Variants in HDAC9 observed in about 807,000 individuals in gnomAD.
HDAC9 encodes MEF-2 interacting transcription repressor (MITR) protein.
Under a neutral mutation model 139.4 loss-of-function variants are expected in HDAC9, and 41 were observed. The observed-to-expected ratio is 0.29, with a 90% confidence interval of 0.23 to 0.38. The LOEUF (loss-of-function observed/expected upper bound fraction) is 0.38. Among genes scored for constraint, HDAC9 ranks in the 10% least tolerant of loss-of-function variants. HDAC9 has a pLI of 1.00. For missense variants in HDAC9, 1,147 were observed against 1,297.0 expected, an observed-to-expected ratio of 0.88 and a Z score of 1.78; for synonymous variants, 517 against 476.2, an observed-to-expected ratio of 1.09 and a Z score of -1.12.
At chr7:18,950,732 C>T (rs112822572) in intron 23 of HDAC9, among the ~76,000 whole-genome samples, 18 of 151,616 alleles carry the variant, frequency 1.2e-4, no homozygotes, top group African/African-American at 4.1e-4. Flanking sequence ...TTGAGGAGCA[C>T]GCAATATTTG....
In HDAC9 at chr7:18,400,027, A is replaced by G. The variant is rs1585629677; in HGVS notation, c.-41-96235A>G. Among the ~76,000 whole-genome samples the G allele has an allele frequency of 2.0e-5, 3 of 152,154 alleles. No individual in the cohort carries two copies. The East Asian group carries it at 5.8e-4, about 29-fold the overall frequency. ...ACTGGCCTATTCGCATCAGAGCCCAAAGGAAAAGTCAGAAACCACAGGAAT... is the reference window on the plus strand; with the variant it reads ...ACTGGCCTATTCGCATCAGAGCCCAGAGGAAAAGTCAGAAACCACAGGAAT... On this transcript the variant is annotated intron_variant, in intron 1 of 3. Transcript: ENST00000413509.
rs1042449531 is a variant in HDAC9 at position 18,999,943 on chromosome 7, T to C, written c.*3881T>C. On this transcript the variant is annotated 3_prime_UTR_variant, in exon 26 of 26. Coordinates refer to ENST00000686413, the MANE Select transcript of HDAC9 (RefSeq NM_178425.4). ...GAAACGACTCTGTCAGTGTTTGACA[T>C]TGTCATTTCTAGTGGCATGTATCTT... 2.0e-5 allele frequency: 3 copies of C among 152,198 alleles called. No homozygotes were observed. Among genetic ancestry groups the C allele is most frequent in the Non-Finnish European group, 4.4e-5 (3 of 68,038 alleles). The allele number at this position is 152,198 out of a possible 1,614,324, so 9.4% of individuals were successfully genotyped here.
chr7:18,924,160 T>G (rs931174588), intron 22 of HDAC9, among the ~76,000 whole-genome samples: 2 of 151,980 alleles, frequency 1.3e-5, no homozygotes, highest in African/African-American at 4.8e-5. Flanking sequence ...CTATCCTAAC[T>G]ATCCTATTGG....
intron 2 of HDAC9, among the ~76,000 whole-genome samples, chr7:18,281,246 A>G (rs1300367396): frequency 1.3e-5 from 2 of 152,244 alleles, no homozygotes; most frequent in South Asian, 4.1e-4. Flanking sequence ...TAAACTTTCT[A>G]TATGATGACC....
chr7:18,183,830 A>C (rs1287836929), intron 2 of HDAC9, among the ~76,000 whole-genome samples: 1 of 152,132 alleles, frequency 6.6e-6, no homozygotes, highest in African/African-American at 2.4e-5. Context: ...ACAATACATA[A>C]ATGGTAAAGT....
At chr7:18,162,377 A>G in intron 2 of HDAC9, 2 of 1,525,346 alleles carry the variant, frequency 1.3e-6, no homozygotes, top group South Asian at 2.4e-5. Context: ...TTAAACTGTT[A>G]ATAGACTTCA....
chr7:18,552,529 A>T (rs1234465021), intron 2 of HDAC9, among the ~76,000 whole-genome samples: 1 of 152,184 alleles, frequency 6.6e-6, no homozygotes, highest in Non-Finnish European at 1.5e-5. Flanking sequence ...TGACTGTTCC[A>T]AACTAAGCAG....
intron 1 of HDAC9, among the ~76,000 whole-genome samples, chr7:18,157,526 C>A (rs1044091175): frequency 3.3e-5 from 5 of 151,932 alleles, no homozygotes; most frequent in Non-Finnish European, 7.4e-5. Flanking sequence ...CAATCAAGAA[C>A]AAACAATTAA....
chr7:18,267,225 G>A (rs568764673), intron 2 of HDAC9, among the ~76,000 whole-genome samples: 32 of 152,160 alleles, frequency 2.1e-4, no homozygotes, highest in Non-Finnish European at 4.0e-4. Context: ...TTTGAAACAT[G>A]TATACATTGT....
At chr7:18,862,346 C>G (rs763966063) in intron 21 of HDAC9, among the ~76,000 whole-genome samples, 1 of 152,184 alleles carries the variant, frequency 6.6e-6, no homozygotes, top group Admixed American at 6.5e-5. Context: ...ATAATAGAGC[C>G]GCATATGACT....
intron 1 of HDAC9, among the ~76,000 whole-genome samples, chr7:18,368,580 A>G (rs1252575938): frequency 6.6e-6 from 1 of 151,996 alleles, no homozygotes; most frequent in Non-Finnish European, 1.5e-5. Flanking sequence ...CCCAAGGTTT[A>G]TATTAATTTT....
intron 22 of HDAC9, among the ~76,000 whole-genome samples, chr7:18,925,800 C>CT (rs1472266062): frequency 4.6e-5 from 7 of 151,770 alleles, no homozygotes; most frequent in Non-Finnish European, 8.8e-5. Context: ...TGATTTTCTA[C>CT]TTATATTGGC....
intron 17 of HDAC9, among the ~76,000 whole-genome samples, chr7:18,822,258 G>A (rs915951704): frequency 3.3e-5 from 5 of 152,154 alleles, no homozygotes; most frequent in Non-Finnish European, 5.9e-5. Flanking sequence ...CTATCCAGGA[G>A]CCCCCAGCCC....
chr7:18,395,927 A>C (rs1425606787), intron 1 of HDAC9, among the ~76,000 whole-genome samples: 1 of 152,148 alleles, frequency 6.6e-6, no homozygotes, highest in African/African-American at 2.4e-5. Flanking sequence ...ATATTGGCCT[A>C]GTAGTTGATT....
intron 24 of HDAC9, among the ~76,000 whole-genome samples, chr7:18,962,663 C>G (rs1783601588): frequency 6.6e-6 from 1 of 152,152 alleles, no homozygotes; most frequent in African/African-American, 2.4e-5. Context: ...TTTGTGATCA[C>G]ATACTCAGGT....
chr7:18,990,743 TCTC>T (rs1272456526), intron 25 of HDAC9, among the ~76,000 whole-genome samples: 7 of 152,186 alleles, frequency 4.6e-5, no homozygotes, highest in African/African-American at 1.7e-4. Context: ...CGGGATATAA[TCTC>T]CTGGTGCGCC....
At chr7:18,223,666 C>T (rs1174696153) in intron 2 of HDAC9, among the ~76,000 whole-genome samples, 1 of 151,950 alleles carries the variant, frequency 6.6e-6, no homozygotes, top group African/African-American at 2.4e-5. Context: ...TATTTAATTC[C>T]TGTGGGGTTC....
chr7:18,185,084 A>T (rs1789798309), intron 2 of HDAC9, among the ~76,000 whole-genome samples: 1 of 152,242 alleles, frequency 6.6e-6, no homozygotes, highest in African/African-American at 2.4e-5. Context: ...AAATGAAACT[A>T]ATTTGCAATA....
At chr7:18,713,536 T>C (rs771326968) in intron 12 of HDAC9, among the ~76,000 whole-genome samples, 6 of 152,122 alleles carry the variant, frequency 3.9e-5, no homozygotes, top group Non-Finnish European at 8.8e-5. Context: ...ATTTATCAAT[T>C]ACAATTAATT....
Sources: gnomAD v4.1 joint callset for allele counts (sites outside exome capture counted in the v4.1 genomes callset) on GRCh38, gnomAD v4.1.1 for gene constraint, MANE v1.5 for transcripts, NCBI Gene and HGNC (gene_info 2026-07-23, HGNC 2026-07-21) for gene names.